The following FSD1L variants were observed in gnomAD, a reference collection of about 807,000 sequenced individuals.
FSD1L encodes the protein fibronectin type III and SPRY domain containing 1 like.
Under a neutral mutation model 71.6 loss-of-function variants are expected in FSD1L, and 45 were observed. The ratio of observed to expected loss-of-function variants is 0.63; its 90% CI spans 0.49 to 0.81. The LOEUF is 0.81. FSD1L is among the 30% of genes least tolerant of loss of function. The pLI is 0.00. For missense variants in FSD1L, 561 were observed against 618.1 expected, an observed-to-expected ratio of 0.91 and a Z score of 0.98; for synonymous variants, 197 against 207.2, an observed-to-expected ratio of 0.95 and a Z score of 0.42.
intron 10 of FSD1L, chr9:105,520,630 G>T (rs543204871): frequency 2.9e-5 from 47 of 1,605,754 alleles, no homozygotes; most frequent in East Asian, 4.5e-5. Context: ...AAGATTAGGC[G>T]GGAAGGTGTT....
chr9:105,514,228 C>T (rs144509361), intron 10 of FSD1L, among the ~76,000 whole-genome samples: 6 of 152,144 alleles, frequency 3.9e-5, no homozygotes, highest in Non-Finnish European at 7.4e-5. Context: ...AGTTTATGTA[C>T]TTGTTATTGG....
At chr9:105,505,461 A>C (rs1196262491) in intron 7 of FSD1L, among the ~76,000 whole-genome samples, 3 of 152,022 alleles carry the variant, frequency 2.0e-5, no homozygotes, top group East Asian at 3.9e-4. Flanking sequence ...GGGTTTCACT[A>C]TGTTGGTCAG....
At chr9:105,493,951 A>G (rs1443792190) in intron 7 of FSD1L, among the ~76,000 whole-genome samples, 1 of 151,946 alleles carries the variant, frequency 6.6e-6, no homozygotes, top group Non-Finnish European at 1.5e-5. Flanking sequence ...CTTCATTTCA[A>G]CCTTGGTGAA....
rs1837244091 is a variant in FSD1L, at chr9:105,551,099, C to T, written c.*4616C>T. 6.6e-6 allele frequency: 1 copy of T among 151,968 alleles called. No homozygotes were observed. The highest frequency in any genetic ancestry group is 1.5e-5 in the Non-Finnish European group (1 of 67,938). The allele number at this position is 151,968 out of a possible 1,614,324, so 9.4% of individuals were successfully genotyped here. On this transcript the variant is annotated 3_prime_UTR_variant, in exon 14 of 14. Coordinates refer to ENST00000481272, the MANE Select transcript of FSD1L (RefSeq NM_001145313.3). The stretch of plus-strand genomic sequence containing the variant: ...GGAGAACATAAGGGCTATGAGAATG[C>T]ATATATATATTTTTTAACATTTCCT...
intron 10 of FSD1L, among the ~76,000 whole-genome samples, chr9:105,519,817 C>T (rs1235662905): frequency 1.3e-5 from 2 of 152,074 alleles, no homozygotes; most frequent in Admixed American, 6.5e-5. Flanking sequence ...CCTGTGGCGG[C>T]GAGCGGCGGC....
intron 3 of FSD1L, among the ~76,000 whole-genome samples, chr9:105,465,495 C>G (rs903160776): frequency 3.9e-5 from 6 of 152,046 alleles, no homozygotes; most frequent in Admixed American, 1.3e-4. Flanking sequence ...AACATAGATG[C>G]AAAAATCCTC....
chr9:105,535,034 A>G (rs2131493486), intron 11 of FSD1L, 33 bp from the exon 12 acceptor site: 1 of 1,550,040 alleles, frequency 6.5e-7, no homozygotes, highest in Non-Finnish European at 8.7e-7. Flanking sequence ...TAAGGAAGAG[A>G]TGAGTCAAAT....
At chr9:105,495,900 A>T (rs1382349373) in intron 7 of FSD1L, among the ~76,000 whole-genome samples, 1 of 151,140 alleles carries the variant, frequency 6.6e-6, no homozygotes, top group Non-Finnish European at 1.5e-5. Context: ...TGAACCCGGG[A>T]GGCGGAGCTT....
At chr9:105,491,286 C>T (rs1207686489) in intron 7 of FSD1L, among the ~76,000 whole-genome samples, 6 of 150,770 alleles carry the variant, frequency 4.0e-5, no homozygotes, top group Non-Finnish European at 1.5e-5. Context: ...TGGGAGTTCA[C>T]TCATGATTTG....
rs1450657345 is a variant in FSD1L at position 105,547,908 on chromosome 9, C to G, written c.*1425C>G. ...TGTGCTATGATAACCAACCTTCTTC[C>G]AAGGAGTGACCATTACTGCCTACAT... On this transcript the variant is annotated 3_prime_UTR_variant, in exon 14 of 14. Transcript: ENST00000481272. 2 of 151,942 alleles carry G rather than the reference C, an allele frequency of 1.3e-5. No homozygotes were observed. The highest frequency in any genetic ancestry group is 4.8e-5 in the African/African-American group (2 of 41,396). 9.4% of individuals were successfully genotyped at this position (151,942 alleles called of 1,614,324 possible).
At chr9:105,533,329 G>A (rs777336484) in intron 10 of FSD1L, among the ~76,000 whole-genome samples, 19 of 149,828 alleles carry the variant, frequency 1.3e-4, no homozygotes, top group Non-Finnish European at 2.1e-4. Flanking sequence ...AGGAAGTCAA[G>A]GTGGATCTTG....
At chr9:105,502,466 C>T (rs1247500143) in intron 7 of FSD1L, among the ~76,000 whole-genome samples, 5 of 152,122 alleles carry the variant, frequency 3.3e-5, no homozygotes, top group African/African-American at 1.2e-4. Context: ...TAACTGTTTT[C>T]TATCCCCTTC....
At chr9:105,509,609 T>G (rs186816468) in intron 9 of FSD1L, among the ~76,000 whole-genome samples, 1 of 151,608 alleles carries the variant, frequency 6.6e-6, no homozygotes, top group Non-Finnish European at 1.5e-5. Context: ...TGCCAGAAAT[T>G]TGATTGGATT....
At chr9:105,488,397 G>C (rs554652817) in intron 7 of FSD1L, among the ~76,000 whole-genome samples, 1 of 152,130 alleles carries the variant, frequency 6.6e-6, no homozygotes, top group East Asian at 1.9e-4. Flanking sequence ...CCATTGTCTA[G>C]ATGCGCCATG....
At chr9:105,521,121 G>A in intron 10 of FSD1L, 1 of 1,613,716 alleles carries the variant, frequency 6.2e-7, no homozygotes, top group East Asian at 2.2e-5. Flanking sequence ...AACCAATGAA[G>A]CAATCTATTG....
At chr9:105,459,412 A>G (rs1298027823) in intron 1 of FSD1L, among the ~76,000 whole-genome samples, 2 of 152,202 alleles carry the variant, frequency 1.3e-5, no homozygotes, top group African/African-American at 4.8e-5. Flanking sequence ...GAAAGGTTGA[A>G]GCCTTGGCCC....
chr9:105,485,246 C>G (rs985321533), intron 7 of FSD1L, among the ~76,000 whole-genome samples: 1 of 152,220 alleles, frequency 6.6e-6, no homozygotes, highest in Non-Finnish European at 1.5e-5. Flanking sequence ...GCAGCAATAT[C>G]TGGCAGCTTC....
chr9:105,481,183 CTTTT>C (rs1169730136), intron 6 of FSD1L, among the ~76,000 whole-genome samples: 5 of 28,772 alleles, frequency 1.7e-4, no homozygotes, highest in East Asian at 1.0e-3. Context: ...GTGTGTGGTT[CTTTT>C]TTTTTTTTTT....
intron 10 of FSD1L, chr9:105,530,444 T>C (rs1471989029): frequency 1.9e-6 from 1 of 527,830 alleles, no homozygotes; most frequent in Non-Finnish European, 3.3e-6. Context: ...AAACTGCCAA[T>C]GTCAATAGTT....
Sources: gnomAD v4.1 joint callset for allele counts (sites outside exome capture counted in the v4.1 genomes callset) on GRCh38, gnomAD v4.1.1 for gene constraint, MANE v1.5 for transcripts, NCBI Gene and HGNC (gene_info 2026-07-23, HGNC 2026-07-21) for gene names.